TIMELESS: variants seen among roughly 807,000 people sequenced by gnomAD.
The protein encoded by TIMELESS is protein timeless homolog.
A neutral mutation model predicts 164.3 loss-of-function variants in TIMELESS; 124 were observed. The ratio of observed to expected loss-of-function variants is 0.75; its 90% CI spans 0.65 to 0.88. TIMELESS has a LOEUF of 0.88. TIMELESS is among the 40% of genes least tolerant of loss of function. TIMELESS has a pLI of 0.00. For missense variants in TIMELESS, 1,422 were observed against 1,491.4 expected, an observed-to-expected ratio of 0.95 and a Z score of 0.77; for synonymous variants, 564 against 563.4, an observed-to-expected ratio of 1.00 and a Z score of -0.02.
In TIMELESS at chr12:56,425,099, A is replaced by G. The variant is rs202180943; in HGVS notation, c.1632T>C (p.Ile544=). 5.6e-6 allele frequency: 9 copies of G among 1,614,124 alleles called. No individual in the cohort carries two copies. In the East Asian group the frequency reaches 1.8e-4, roughly 32 times the overall value. ...GGCTAGATGGGACATTACCAGAAAC[A>G]ATGGCCTGGTCTAGGACCTTCTTCT... ...KKKKKVLDQA[I]VSGNVPSSPE... Residue 544 remains isoleucine, a synonymous_variant, in exon 14 of 29, where the codon ATT becomes ATC. Transcript: ENST00000553532.
At chr12:56,421,171 G>A (rs1210466502) in intron 23 of TIMELESS, 37 bp from the exon 24 acceptor site, 1 of 1,612,478 alleles carries the variant, frequency 6.2e-7, no homozygotes, top group Non-Finnish European at 8.5e-7. Context: ...TGAAAATGAA[G>A]GCAACACAAG....
intron 1 of TIMELESS, among the ~76,000 whole-genome samples, chr12:56,436,962 G>C (rs960653442): frequency 6.7e-6 from 1 of 149,694 alleles, no homozygotes; most frequent in Non-Finnish European, 1.5e-5. Context: ...AGAGTCTCAC[G>C]CTCTGTTGCC....
Position 56,435,350 on chromosome 12 carries a change from T to C in TIMELESS, c.-61-1119A>G, listed in dbSNP as rs551817172. Among the ~76,000 whole-genome samples, 10 of 151,288 alleles carry C rather than the reference T, an allele frequency of 6.6e-5. No individual in the cohort carries two copies. In the South Asian group the frequency reaches 1.9e-3, roughly 28 times the overall value. On this transcript the variant is annotated intron_variant, in intron 1 of 28. Transcript: ENST00000553532. Reference sequence around the variant, plus strand: ...CCTATCACTATCTCCCAAAGAATCATCTTCTTTTAAAAAAAAAAAAAAAAG... The same window carrying C: ...CCTATCACTATCTCCCAAAGAATCACCTTCTTTTAAAAAAAAAAAAAAAAG...
At chr12:56,423,127 C>A in intron 18 of TIMELESS, 135 bp from the exon 19 acceptor site, 1 of 1,383,878 alleles carries the variant, frequency 7.2e-7, no homozygotes, top group South Asian at 1.4e-5. Flanking sequence ...CTCCATGCAG[C>A]TCCCTCAACC....
At position 56,438,777 on chromosome 12, in the gene TIMELESS, C is replaced by CAA. The variant is rs34222190; in HGVS notation, c.-61-4548_-61-4547dup. 9.1e-3 allele frequency among the ~76,000 whole-genome samples: 443 copies of CAA among 48,470 alleles called. 57 individuals are homozygous for CAA. Among genetic ancestry groups the CAA allele is most frequent in the Middle Eastern group, 0.077 (2 of 26 alleles). The allele number at this position is 48,470 out of a possible 152,430, so 31.8% of individuals were successfully genotyped here. On this transcript the variant is annotated intron_variant, in intron 1 of 28. Transcript: ENST00000553532. The stretch of plus-strand genomic sequence containing the variant: ...TAGATGACAGAGCAAAGCTCTGTCT[C>CAA]AAAAAAAAAAAAAAAAAAAAAAAAA...
intron 18 of TIMELESS, 119 bp downstream of exon 18, chr12:56,423,155 A>C: frequency 7.1e-7 from 1 of 1,416,808 alleles, no homozygotes; most frequent in Non-Finnish European, 9.6e-7. Context: ...CTACTTTCTC[A>C]TTGTTTTCCC....
In TIMELESS at chr12:56,425,075, G is replaced by A. The variant is rs778297746; in HGVS notation, c.1656C>T (p.Ser552=). The change falls in exon 14 of 29, where the codon AGC becomes AGT. Residue 552 remains serine (S), a synonymous_variant. Coordinates refer to ENST00000553532, the MANE Select transcript of TIMELESS (RefSeq NM_003920.5). ...QAIVSGNVPS[S]PEEVEAVWPA... is the part of the protein sequence containing the mutation. ...GCCACACAGCCTCCACTTCTTCTGGGCTAGATGGGACATTACCAGAAACAA... is the reference window on the plus strand; with the variant it reads ...GCCACACAGCCTCCACTTCTTCTGGACTAGATGGGACATTACCAGAAACAA... 6.8e-6 allele frequency: 11 copies of A among 1,614,166 alleles called. No individual in the cohort carries two copies. The South Asian group carries it at 1.2e-4, about 18-fold the overall frequency.
chr12:56,432,040 G>C (rs1274846206), intron 7 of TIMELESS, among the ~76,000 whole-genome samples: 1 of 151,880 alleles, frequency 6.6e-6, no homozygotes, highest in Non-Finnish European at 1.5e-5. Flanking sequence ...GGATATGCTG[G>C]GCAGAGGGAT....
Position 56,420,890 on chromosome 12 carries a change from A to G in TIMELESS, c.3041-9T>C, listed in dbSNP as rs770141147. 9 of 1,614,070 alleles carry G rather than the reference A, an allele frequency of 5.6e-6. No individual in the cohort carries two copies. In the Admixed American group the frequency reaches 8.3e-5, roughly 15 times the overall value. On this transcript the variant is annotated splice_polypyrimidine_tract_variant and intron_variant, in intron 24 of 28. Coordinates refer to ENST00000553532, the MANE Select transcript of TIMELESS (RefSeq NM_003920.5). ...GAGCGGGATAGAAAAGCCTAAGGAA[A>G]TGAGGGAAACTTACATTTGACCCTA...
At chr12:56,425,407 A>G (rs1244030029) in intron 13 of TIMELESS, among the ~76,000 whole-genome samples, 1 of 152,226 alleles carries the variant, frequency 6.6e-6, no homozygotes, top group Non-Finnish European at 1.5e-5. Context: ...AGTGAGCATA[A>G]GATGTCATGG....
chr12:56,434,594 G>A (rs1259028305), intron 1 of TIMELESS, among the ~76,000 whole-genome samples: 2 of 152,128 alleles, frequency 1.3e-5, no homozygotes, highest in African/African-American at 4.8e-5. Flanking sequence ...AAAATTAGCC[G>A]GGCGTGGTGG....
At chr12:56,436,220 G>C (rs1323900250) in intron 1 of TIMELESS, among the ~76,000 whole-genome samples, 1 of 152,100 alleles carries the variant, frequency 6.6e-6, no homozygotes, top group Non-Finnish European at 1.5e-5. Flanking sequence ...TTGGGAGGCC[G>C]AGGTGTGTGG....
Position 56,423,876 on chromosome 12 carries a change from TC to T in TIMELESS, c.1886del (p.Gly629GlufsTer18), listed in dbSNP as rs1433771969. The T allele has an allele frequency of 1.9e-6, 3 of 1,614,132 alleles. No individual in the cohort carries two copies. The highest frequency in any genetic ancestry group is 2.5e-6 in the Non-Finnish European group (3 of 1,180,012). On this transcript the variant is annotated frameshift_variant, in exon 16 of 29. Coordinates refer to ENST00000553532, the MANE Select transcript of TIMELESS (RefSeq NM_003920.5). LOFTEE classifies it high-confidence loss of function. ...AAATGTCTTGAGAGCCAAACACATCTCCTTCAGGCCACACCTCCCTGGAGCA... is the reference window on the plus strand; with the variant it reads ...AAATGTCTTGAGAGCCAAACACATCTCTTCAGGCCACACCTCCCTGGAGCA... ...LRSAREVWPE[G>X]DVFGSQDISP...
chr12:56,416,917 T>C lies in TIMELESS; in HGVS notation c.*799A>G, dbSNP rs985757169. The C allele has an allele frequency of 6.6e-6, 1 of 152,122 alleles. No homozygotes were observed. Among genetic ancestry groups the C allele is most frequent in the African/African-American group, 2.4e-5 (1 of 41,406 alleles). The allele number at this position is 152,122 out of a possible 1,614,324, so 9.4% of individuals were successfully genotyped here. On this transcript the variant is annotated 3_prime_UTR_variant, in exon 29 of 29. Transcript: ENST00000553532. Reference sequence around the variant, plus strand: ...TTTTGTATTTTTAGTGGAGATGGGATTTCGCCATATTGTCCAGGCCGGTCT... The same window carrying C: ...TTTTGTATTTTTAGTGGAGATGGGACTTCGCCATATTGTCCAGGCCGGTCT...
chr12:56,420,983 C>T lies in TIMELESS; in HGVS notation c.3020G>A (p.Gly1007Asp). 1.2e-6 allele frequency: 2 copies of T among 1,614,174 alleles called. No homozygotes were observed. The highest frequency in any genetic ancestry group is 8.5e-7 in the Non-Finnish European group (1 of 1,180,026). ...GSLVLSNENL[G>D]QSLHQEGFSI... ...CTCACCTTCCTGATGCAGGCTTTGA[C>T]CAAGGTTTTCATTTGAAAGGACTAA... is the stretch of plus-strand genomic sequence containing the variant. Residue 1007 changes from glycine (G) to aspartate (D), a missense_variant, in exon 24 of 29, where the codon GGT (glycine) becomes GAT (aspartate). By Grantham distance (94) the Gly-to-Asp change is moderately conservative. Transcript: ENST00000553532.
chr12:56,442,384 A>C (rs139770004), intron 1 of TIMELESS, among the ~76,000 whole-genome samples: 122 of 152,298 alleles, frequency 8.0e-4, no homozygotes, highest in South Asian at 1.4e-3. Flanking sequence ...GTCCAACAGG[A>C]AAGCAATGGA....
chr12:56,429,003 C>T lies in TIMELESS; in HGVS notation c.1184G>A (p.Arg395Gln), dbSNP rs764005683. 99 of 1,613,926 alleles carry T rather than the reference C, an allele frequency of 6.1e-5. No homozygotes were observed. The East Asian group carries it at 6.7e-4, about 11-fold the overall frequency. ...GAGGGTCTCAGAAACCAGGCCTGGC[C>T]GGAAGGAGGCAGCTCGGTTGAAGGC... ...FMAFNRAASF[R>Q]PGLVSETLSV... The change falls in exon 11 of 29, where the codon CGG becomes CAG. Residue 395 changes from arginine (R) to glutamine (Q), a missense_variant. Transcript: ENST00000553532.
chr12:56,430,334 T>C, intron 9 of TIMELESS, 53 bp from the exon 10 acceptor site: 1 of 1,542,870 alleles, frequency 6.5e-7, no homozygotes, highest in Non-Finnish European at 8.7e-7. Context: ...ACTTTCCCCT[T>C]GCAGCTCTCG....
chr12:56,422,361 CG>C (rs1881526937), intron 19 of TIMELESS, 170 bp from the exon 20 acceptor site: 2 of 596,288 alleles, frequency 3.4e-6, no homozygotes, highest in Admixed American at 3.0e-5. Flanking sequence ...TTTCCTTCCA[CG>C]TAAGAACCTA....
Sources: gnomAD v4.1 joint callset for allele counts (sites outside exome capture counted in the v4.1 genomes callset) on GRCh38, gnomAD v4.1.1 for gene constraint, MANE v1.5 for transcripts, NCBI Gene and HGNC (gene_info 2026-07-23, HGNC 2026-07-21) for gene names.